Variants in ZBTB20 observed in about 807,000 individuals in gnomAD.
ZBTB20 encodes zinc finger and BTB domain-containing protein 20.
A neutral mutation model predicts 56.9 loss-of-function variants in ZBTB20; 9 were observed. The observed-to-expected ratio is 0.16, with a 90% CI of 0.10 to 0.28. ZBTB20 has a LOEUF of 0.28. ZBTB20 is among the 10% of genes least tolerant of loss of function. The pLI, the probability that ZBTB20 is intolerant of heterozygous loss-of-function variation, is 1.00. For synonymous variants in ZBTB20, 417 were observed against 420.7 expected, an observed-to-expected ratio of 0.99 and a Z score of 0.11; for missense variants, 655 against 1,003.0, an observed-to-expected ratio of 0.65 and a Z score of 4.69.
chr3:115,088,152 C>T (rs542338658), intron 1 of ZBTB20, among the ~76,000 whole-genome samples: 17 of 151,794 alleles, frequency 1.1e-4, no homozygotes, highest in African/African-American at 4.1e-4. Flanking sequence ...AAATCACTGA[C>T]CAAATTTTCC....
At chr3:114,580,927 C>T (rs2054581488) in intron 6 of ZBTB20, among the ~76,000 whole-genome samples, 1 of 151,690 alleles carries the variant, frequency 6.6e-6, no homozygotes, top group Non-Finnish European at 1.5e-5. Context: ...AGACTTTTGC[C>T]AAACTTGACC....
chr3:114,671,846 C>A (rs1480549748), intron 6 of ZBTB20, among the ~76,000 whole-genome samples: 1 of 152,114 alleles, frequency 6.6e-6, no homozygotes, highest in Non-Finnish European at 1.5e-5. Flanking sequence ...TCTCTCAATA[C>A]AATTTACAGT....
intron 1 of ZBTB20, among the ~76,000 whole-genome samples, chr3:115,085,338 G>T (rs1438941327): frequency 6.6e-6 from 1 of 151,834 alleles, no homozygotes; most frequent in Non-Finnish European, 1.5e-5. Flanking sequence ...TTTGGGATGT[G>T]AACAAATATC....
At chr3:114,584,008 A>T (rs1440725273) in intron 6 of ZBTB20, among the ~76,000 whole-genome samples, 3 of 152,310 alleles carry the variant, frequency 2.0e-5, no homozygotes, top group African/African-American at 7.2e-5. Context: ...TTCTAAAGTG[A>T]GTGTGATATA....
intron 5 of ZBTB20, among the ~76,000 whole-genome samples, chr3:114,746,318 A>C (rs1267252536): frequency 1.3e-5 from 2 of 152,250 alleles, no homozygotes; most frequent in African/African-American, 4.8e-5. Context: ...TTAAGTGCTT[A>C]ATCTTTTTTC....
intron 7 of ZBTB20, among the ~76,000 whole-genome samples, chr3:114,409,768 G>T (rs192730171): frequency 6.6e-6 from 1 of 152,144 alleles, no homozygotes; most frequent in Non-Finnish European, 1.5e-5. Flanking sequence ...ATGAAGATGT[G>T]CCTCAGAAAG....
chr3:114,544,086 A>C (rs1337145105), intron 6 of ZBTB20, among the ~76,000 whole-genome samples: 1 of 152,222 alleles, frequency 6.6e-6, no homozygotes, highest in Non-Finnish European at 1.5e-5. Context: ...CAACATTCTT[A>C]TCTCCTGTGA....
intron 7 of ZBTB20, among the ~76,000 whole-genome samples, chr3:114,440,910 C>T (rs1432466849): frequency 6.6e-6 from 1 of 152,216 alleles, no homozygotes; most frequent in Admixed American, 6.5e-5. Flanking sequence ...TACATTAGGG[C>T]TGTCCTCTCT....
intron 2 of ZBTB20, among the ~76,000 whole-genome samples, chr3:114,979,840 T>C (rs1450433563): frequency 3.9e-5 from 6 of 152,006 alleles, no homozygotes; most frequent in Non-Finnish European, 8.8e-5. Context: ...TATTAGAGTT[T>C]TTAAAACACC....
chr3:114,429,093 T>A, intron 7 of ZBTB20, among the ~76,000 whole-genome samples: 1 of 152,146 alleles, frequency 6.6e-6, no homozygotes, highest in Non-Finnish European at 1.5e-5. Flanking sequence ...GTTGTAGCAT[T>A]TTCACTACCA....
intron 3 of ZBTB20, among the ~76,000 whole-genome samples, chr3:114,939,579 G>T (rs759977479): frequency 2.7e-5 from 4 of 146,242 alleles, no homozygotes; most frequent in Non-Finnish European, 5.9e-5. Context: ...AGGGAAGGAA[G>T]CATTCAAAAT....
rs112314284 is a variant in ZBTB20, at chr3:114,977,549, T to C, written c.-506-3133A>G. 6.9e-3 allele frequency among the ~76,000 whole-genome samples: 1,057 copies of C among 152,256 alleles called. 10 individuals are homozygous for C. Among genetic ancestry groups the C allele is most frequent in the Admixed American group, 0.01 (157 of 15,278 alleles). On this transcript the variant is annotated intron_variant, in intron 2 of 11. Coordinates refer to ENST00000675478, the MANE Select transcript of ZBTB20 (RefSeq NM_001348800.3). ...TTAGGTATGGGGTAAATGTTACAAG[T>C]AACATTTCCATGAACAATGTTGAGA...
chr3:115,075,134 G>A (rs2082549709), intron 1 of ZBTB20, among the ~76,000 whole-genome samples: 1 of 152,088 alleles, frequency 6.6e-6, no homozygotes. Context: ...CTTAAAATGA[G>A]ATCTACCCTC....
intron 6 of ZBTB20, among the ~76,000 whole-genome samples, chr3:114,560,492 T>C (rs1375141445): frequency 1.3e-5 from 2 of 152,118 alleles, no homozygotes; most frequent in African/African-American, 2.4e-5. Flanking sequence ...AGATGAGGGG[T>C]TATTTAACTT....
Position 114,610,735 on chromosome 3 carries a change from T to C in ZBTB20, c.-295+82793A>G, listed in dbSNP as rs137880065. 8.6e-3 allele frequency among the ~76,000 whole-genome samples: 1,309 copies of C among 152,268 alleles called. 17 individuals carry two copies. Among genetic ancestry groups the C allele is most frequent in the Non-Finnish European group, 7.1e-3 (486 of 68,028 alleles). On this transcript the variant is annotated intron_variant, in intron 6 of 11. Coordinates refer to ENST00000675478, the MANE Select transcript of ZBTB20 (RefSeq NM_001348800.3). ...TACTGGTGGTCTACTGTGGGGCATA[T>C]ACATTTTGCTGAAACGAGAAGATGA...
chr3:114,742,609 G>C (rs2066691268), intron 5 of ZBTB20, among the ~76,000 whole-genome samples: 2 of 152,276 alleles, frequency 1.3e-5, no homozygotes, highest in African/African-American at 4.8e-5. Context: ...AAAGCTGACA[G>C]AGATTAAATA....
At chr3:114,658,605 A>G (rs2060541438) in intron 6 of ZBTB20, 1 of 152,098 alleles carries the variant, frequency 6.6e-6, no homozygotes, top group Admixed American at 6.6e-5. Context: ...TTCTTCCTCT[A>G]TCATGTAAAC....
At chr3:114,688,950 C>T (rs1328279252) in intron 6 of ZBTB20, among the ~76,000 whole-genome samples, 1 of 152,112 alleles carries the variant, frequency 6.6e-6, no homozygotes, top group Non-Finnish European at 1.5e-5. Flanking sequence ...TGGACCAATC[C>T]ACATAAGATA....
intron 5 of ZBTB20, among the ~76,000 whole-genome samples, chr3:114,700,551 C>T (rs1578411808): frequency 6.6e-6 from 1 of 152,138 alleles, no homozygotes; most frequent in African/African-American, 2.4e-5. Context: ...TCATTTTCCA[C>T]TACATCAGGA....
Sources: allele counts gnomAD v4.1 joint callset (sites outside exome capture counted in the v4.1 genomes callset), GRCh38; gene constraint gnomAD v4.1.1; transcripts MANE v1.5; gene names NCBI Gene and HGNC (gene_info 2026-07-23, HGNC 2026-07-21).